Variants in SCUBE1 observed in about 807,000 individuals in gnomAD.
SCUBE1 encodes signal peptide, CUB domain and EGF like domain containing 1.
Under a neutral mutation model 124.4 loss-of-function variants are expected in SCUBE1, and 59 were observed. The observed-to-expected ratio is 0.47, with a 90% confidence interval of 0.38 to 0.59. The LOEUF is 0.59. SCUBE1 is among the 20% of genes least tolerant of loss of function. SCUBE1 has a pLI of 0.00. For synonymous variants in SCUBE1, 545 were observed against 550.9 expected (o/e 0.99, Z 0.15); for missense variants, 1,150 against 1,371.2 (o/e 0.84, Z 2.55).
At chr22:43,336,309 C>T (rs1188057856) in intron 2 of SCUBE1, among the ~76,000 whole-genome samples, 1 of 152,140 alleles carries the variant, frequency 6.6e-6, no homozygotes, top group Non-Finnish European at 1.5e-5. Flanking sequence ...TCTCATTGCA[C>T]AGGGTCAAGA....
intron 6 of SCUBE1, among the ~76,000 whole-genome samples, chr22:43,250,984 T>A (rs11912854): frequency 2.2e-4 from 34 of 152,246 alleles, no homozygotes; most frequent in African/African-American, 7.5e-4. Flanking sequence ...TCACTGGCTA[T>A]GTGGCCTCCC....
chr22:43,291,300 C>T, intron 3 of SCUBE1, 120 bp from the exon 4 acceptor site: 1 of 1,070,914 alleles, frequency 9.3e-7, no homozygotes, highest in South Asian at 1.5e-5. Context: ...GGAGGGACTC[C>T]AGAGAGGGCC....
At chr22:43,331,219 C>T (rs902646856) in intron 2 of SCUBE1, among the ~76,000 whole-genome samples, 11 of 152,084 alleles carry the variant, frequency 7.2e-5, no homozygotes, top group African/African-American at 2.4e-4. Flanking sequence ...GACAAGTAGA[C>T]GCCGGGGATA....
At chr22:43,281,832 A>T (rs1214155580) in intron 4 of SCUBE1, 1 of 153,842 alleles carries the variant, frequency 6.5e-6, no homozygotes, top group Non-Finnish European at 1.4e-5. Flanking sequence ...GGCACCCTTC[A>T]CTGTCACGGC....
intron 3 of SCUBE1, among the ~76,000 whole-genome samples, chr22:43,305,440 G>T (rs1274132595): frequency 1.3e-5 from 2 of 152,148 alleles, no homozygotes; most frequent in Non-Finnish European, 2.9e-5. Context: ...AGGTCCCTCT[G>T]CCCGGGGGGC....
intron 8 of SCUBE1, among the ~76,000 whole-genome samples, chr22:43,230,449 T>C (rs1249403494): frequency 7.0e-6 from 1 of 142,232 alleles, no homozygotes; most frequent in Non-Finnish European, 1.5e-5. Context: ...GTGGAAAAGA[T>C]ACAGGTGGGG....
At chr22:43,269,730 G>T (rs1461170998) in intron 4 of SCUBE1, among the ~76,000 whole-genome samples, 1 of 152,202 alleles carries the variant, frequency 6.6e-6, no homozygotes, top group Non-Finnish European at 1.5e-5. Context: ...GGTGGCAGGG[G>T]GAGGAGGCGG....
intron 4 of SCUBE1, among the ~76,000 whole-genome samples, chr22:43,275,730 A>C (rs1924481165): frequency 1.3e-5 from 2 of 152,234 alleles, no homozygotes. Context: ...GATGACACAT[A>C]CCGAGGTTGT....
At position 43,250,138 on chromosome 22, in the gene SCUBE1, C is replaced by T. The variant is rs189213067; in HGVS notation, c.727+8081G>A. Reference sequence around the variant, plus strand: ...ACAGGCTGAGGGAAGTTAAAAAATTCGCCTGAGCAAGCAAAGCTTCCAGGG... The same window carrying T: ...ACAGGCTGAGGGAAGTTAAAAAATTTGCCTGAGCAAGCAAAGCTTCCAGGG... On this transcript the variant is annotated intron_variant, in intron 6 of 21. Coordinates refer to ENST00000360835, the MANE Select transcript of SCUBE1 (RefSeq NM_173050.5). Among the ~76,000 whole-genome samples, 378 of 152,354 alleles carry T rather than the reference C, an allele frequency of 2.5e-3. 11 individuals are homozygous for T. The highest frequency in any genetic ancestry group is 0.021 in the Admixed American group (325 of 15,300).
intron 11 of SCUBE1, 53 bp from the exon 12 acceptor site, chr22:43,222,795 C>A: frequency 2.9e-6 from 4 of 1,396,772 alleles, no homozygotes; most frequent in Non-Finnish European, 4.0e-6. Flanking sequence ...CTCCCACGGC[C>A]CTCAGATTCT....
At chr22:43,304,725 G>A (rs886871134) in intron 3 of SCUBE1, among the ~76,000 whole-genome samples, 29 of 152,000 alleles carry the variant, frequency 1.9e-4, no homozygotes, top group Non-Finnish European at 3.2e-4. Context: ...CCCTGGCCGA[G>A]CCCTTCCCAT....
At position 43,199,920 on chromosome 22, in the gene SCUBE1, A is replaced by C. The variant is rs13053617; in HGVS notation, c.*4077T>G. The C allele has an allele frequency of 0.038, 5,772 of 152,376 alleles. 129 individuals are homozygous for C. The highest frequency in any genetic ancestry group is 0.057 in the South Asian group (278 of 4,846). 9.4% of individuals were successfully genotyped at this position (152,376 alleles called of 1,614,324 possible). On this transcript the variant is annotated 3_prime_UTR_variant, in exon 22 of 22. Coordinates refer to ENST00000360835, the MANE Select transcript of SCUBE1 (RefSeq NM_173050.5). ...CCCTCAGCGGCTATATGAGCCCTCA[A>C]TCACGGAGGGCCTGGCTGTCTTCGA...
In SCUBE1 at chr22:43,212,580, G is replaced by A. The variant is rs867818333; in HGVS notation, c.2066C>T (p.Pro689Leu). ...NVSECGGQCSPGFFSADGFKP... is the reference protein window; with the variant it reads ...NVSECGGQCSLGFFSADGFKP... The stretch of plus-strand genomic sequence containing the variant: ...GAAGCCATCGGCCGAGAAGAAGCCT[G>A]GAGAACACTGGCCTGAAAGTCAGAG... Residue 689 changes from proline to leucine, a missense_variant, in exon 17 of 22, where the codon CCA becomes CTA. By Grantham distance (98) the Pro-to-Leu change is moderately conservative. Around this residue, in one of 3 missense-constraint regions of SCUBE1, gnomAD observed 757 missense variants for 840.9 expected, o/e 0.90. Transcript: ENST00000360835. 1.9e-6 allele frequency: 3 copies of A among 1,565,352 alleles called. No homozygotes were observed. In the African/African-American group the frequency reaches 4.1e-5, roughly 21 times the overall value.
chr22:43,243,129 T>C (rs1009546868), intron 6 of SCUBE1, among the ~76,000 whole-genome samples: 2 of 152,232 alleles, frequency 1.3e-5, no homozygotes, highest in Non-Finnish European at 2.9e-5. Flanking sequence ...GCTGGCCGTG[T>C]TCAGGTCACA....
chr22:43,263,506 C>T (rs1252312833), intron 4 of SCUBE1, among the ~76,000 whole-genome samples: 8 of 152,176 alleles, frequency 5.3e-5, no homozygotes, highest in Non-Finnish European at 1.2e-4. Flanking sequence ...GGAGTGAAGC[C>T]GGCTCGGGGA....
intron 3 of SCUBE1, chr22:43,318,360 A>G (rs968797005): frequency 6.6e-6 from 1 of 152,174 alleles, no homozygotes; most frequent in Non-Finnish European, 1.5e-5. Context: ...CTACAAAAAA[A>G]CCCAAAAGTT....
intron 6 of SCUBE1, among the ~76,000 whole-genome samples, chr22:43,244,230 G>C (rs966843881): frequency 5.3e-5 from 8 of 152,268 alleles, no homozygotes; most frequent in African/African-American, 9.6e-5. Context: ...CCTTGGCCTT[G>C]AATAACCAAC....
chr22:43,329,894 C>T (rs970583203), intron 2 of SCUBE1, among the ~76,000 whole-genome samples: 2 of 152,078 alleles, frequency 1.3e-5, no homozygotes, highest in Non-Finnish European at 2.9e-5. Context: ...GTTAGCATTC[C>T]TCTGATGGAA....
At chr22:43,326,302 T>C (rs989794233) in intron 2 of SCUBE1, among the ~76,000 whole-genome samples, 1 of 152,124 alleles carries the variant, frequency 6.6e-6, no homozygotes, top group African/African-American at 2.4e-5. Context: ...TCTGGGGGCT[T>C]TAAGAAAAAC....
Sources: gnomAD v4.1 joint callset for allele counts (sites outside exome capture counted in the v4.1 genomes callset) on GRCh38, gnomAD v4.1.1 for gene constraint, gnomAD v4.1.1 regional missense constraint, MANE v1.5 for transcripts, NCBI Gene and HGNC (gene_info 2026-07-23, HGNC 2026-07-21) for gene names.